The following FILIP1 variants were observed in gnomAD, a reference collection of about 807,000 sequenced individuals.
FILIP1 encodes filamin A interacting protein 1.
Under a neutral mutation model 102.1 loss-of-function variants are expected in FILIP1, and 61 were observed. The observed-to-expected ratio is 0.60, with a 90% CI of 0.49 to 0.74. FILIP1 has a LOEUF of 0.74. FILIP1 is among the 30% of genes least tolerant of loss of function. The pLI is 0.00. For synonymous variants in FILIP1, 491 were observed against 526.9 expected (o/e 0.93, Z 0.93); for missense variants, 1,314 against 1,441.2 (o/e 0.91, Z 1.43).
intron 4 of FILIP1, among the ~76,000 whole-genome samples, chr6:75,325,818 A>T (rs548052404): frequency 5.0e-4 from 76 of 152,358 alleles, no homozygotes; most frequent in African/African-American, 1.7e-3. Flanking sequence ...GGGAATGTAA[A>T]CTAGTACAAC....
In FILIP1 at chr6:75,374,648, G is replaced by A. The variant is rs538626342; in HGVS notation, c.277-11731C>T. 9.3e-4 allele frequency among the ~76,000 whole-genome samples: 141 copies of A among 152,292 alleles called. 1 individual carries two copies. The highest frequency in any genetic ancestry group is 3.4e-3 in the African/African-American group (140 of 41,566). ...ACCCACCTCGGCCTCCCAGAGTGCT[G>A]GAATCACAGGCACGAGTCACTGTGC... On this transcript the variant is annotated intron_variant, in intron 2 of 5. Coordinates refer to ENST00000237172, the MANE Select transcript of FILIP1 (RefSeq NM_015687.5).
At chr6:75,437,419 C>A (rs1778063086) in intron 1 of FILIP1, among the ~76,000 whole-genome samples, 1 of 152,136 alleles carries the variant, frequency 6.6e-6, no homozygotes, top group South Asian at 2.1e-4. Flanking sequence ...AGAAATAAAG[C>A]TTAGTTCATA....
chr6:75,418,572 G>A (rs1208585541), intron 1 of FILIP1, among the ~76,000 whole-genome samples: 1 of 152,142 alleles, frequency 6.6e-6, no homozygotes, highest in Admixed American at 6.5e-5. Context: ...AGGGTAGCAG[G>A]CAGGTAACAG....
At chr6:75,460,765 T>C (rs965935633) in intron 1 of FILIP1, among the ~76,000 whole-genome samples, 25 of 152,168 alleles carry the variant, frequency 1.6e-4, no homozygotes, top group African/African-American at 6.0e-4. Context: ...CAAGACAATA[T>C]GGCCAAAAGA....
intron 2 of FILIP1, among the ~76,000 whole-genome samples, chr6:75,380,975 T>G: frequency 6.6e-6 from 1 of 152,206 alleles, no homozygotes; most frequent in Non-Finnish European, 1.5e-5. Flanking sequence ...CAAACTTGTT[T>G]TTGTCCTCCT....
chr6:75,449,462 C>T (rs1778549907), intron 1 of FILIP1, among the ~76,000 whole-genome samples: 1 of 151,976 alleles, frequency 6.6e-6, no homozygotes, highest in African/African-American at 2.4e-5. Flanking sequence ...ACCTGTTCCC[C>T]AAAAACCTAT....
chr6:75,476,215 T>G (rs62414209), intron 1 of FILIP1, among the ~76,000 whole-genome samples: 2 of 141,490 alleles, frequency 1.4e-5, no homozygotes, highest in Non-Finnish European at 3.0e-5. Context: ...CACTCGAGCC[T>G]GGGCGACAGA....
chr6:75,385,398 A>G (rs1015793746), intron 2 of FILIP1, among the ~76,000 whole-genome samples: 2 of 152,214 alleles, frequency 1.3e-5, no homozygotes, highest in Non-Finnish European at 2.9e-5. Flanking sequence ...CATACATATC[A>G]ATAGCAGCTT....
In FILIP1 at chr6:75,322,576, T is replaced by C. The variant is rs144954197; in HGVS notation, c.630-7374A>G. Among the ~76,000 whole-genome samples the C allele has an allele frequency of 8.5e-5, 13 of 152,374 alleles. No homozygotes were observed. The East Asian group carries it at 1.5e-3, about 18-fold the overall frequency. On this transcript the variant is annotated intron_variant, in intron 4 of 5. Coordinates refer to ENST00000237172, the MANE Select transcript of FILIP1 (RefSeq NM_015687.5). ...GCAAATTTTAAATTTTCTGCAAGCATTTAGTCCTCTTTAGAGAACAAAGAC... is the reference window on the plus strand; with the variant it reads ...GCAAATTTTAAATTTTCTGCAAGCACTTAGTCCTCTTTAGAGAACAAAGAC...
At chr6:75,477,293 TG>T (rs962788743) in intron 1 of FILIP1, among the ~76,000 whole-genome samples, 11 of 152,140 alleles carry the variant, frequency 7.2e-5, no homozygotes, top group Non-Finnish European at 1.5e-4. Flanking sequence ...AGGGAGGGAA[TG>T]GGAGTTGTTG....
chr6:75,354,258 T>A (rs1181422436), intron 3 of FILIP1, among the ~76,000 whole-genome samples: 2 of 152,204 alleles, frequency 1.3e-5, no homozygotes, highest in Admixed American at 1.3e-4. Flanking sequence ...TTGTTCTACA[T>A]CCTTGTCAAC....
At chr6:75,347,292 T>C (rs558760736) in intron 4 of FILIP1, among the ~76,000 whole-genome samples, 1 of 152,224 alleles carries the variant, frequency 6.6e-6, no homozygotes, top group Non-Finnish European at 1.5e-5. Context: ...AATAATTACA[T>C]ATCTTATAGT....
chr6:75,398,637 A>T lies in FILIP1; in HGVS notation c.276+16060T>A, dbSNP rs145918308. Among the ~76,000 whole-genome samples the T allele has an allele frequency of 6.0e-3, 914 of 152,334 alleles. 6 individuals are homozygous for T. Among genetic ancestry groups the T allele is most frequent in the African/African-American group, 0.021 (884 of 41,582 alleles). ...TAAAAAAGAGGTTAAAGGTTGCACT[A>T]GGCACTTGTAAACAATGTCAAGATG... On this transcript the variant is annotated intron_variant, in intron 2 of 5. Coordinates refer to ENST00000237172, the MANE Select transcript of FILIP1 (RefSeq NM_015687.5).
chr6:75,472,372 T>C (rs1206646230), intron 1 of FILIP1, among the ~76,000 whole-genome samples: 1 of 152,106 alleles, frequency 6.6e-6, no homozygotes, highest in Non-Finnish European at 1.5e-5. Flanking sequence ...AATTATAACA[T>C]TTGAATGTTA....
At chr6:75,435,173 T>G (rs1777972513) in intron 1 of FILIP1, among the ~76,000 whole-genome samples, 1 of 152,236 alleles carries the variant, frequency 6.6e-6, no homozygotes, top group African/African-American at 2.4e-5. Flanking sequence ...TCTGCCAGGC[T>G]TTGGTATCAC....
At position 75,308,676 on chromosome 6, in the gene FILIP1, C is replaced by G. The variant is rs753590213; in HGVS notation, c.*15G>C. ...GCAGTAGCATCTGCACAACATACCC[C>G]CTTAGCCACTGCCCTCAGCCCTTCC... On this transcript the variant is annotated 3_prime_UTR_variant, in exon 6 of 6. Transcript: ENST00000237172. The G allele has an allele frequency of 5.6e-6, 9 of 1,612,146 alleles. No individual in the cohort carries two copies. Among genetic ancestry groups the G allele is most frequent in the East Asian group, 4.5e-5 (2 of 44,886 alleles).
intron 2 of FILIP1, among the ~76,000 whole-genome samples, chr6:75,391,473 C>A (rs372733105): frequency 1.6e-4 from 24 of 152,282 alleles, no homozygotes; most frequent in African/African-American, 5.5e-4. Flanking sequence ...TGCTCCCTGA[C>A]TCACCAAGAA....
intron 1 of FILIP1, among the ~76,000 whole-genome samples, chr6:75,469,265 A>G (rs1341528911): frequency 1.3e-5 from 2 of 152,080 alleles, no homozygotes; most frequent in Non-Finnish European, 2.9e-5. Context: ...GGTTTTGTTT[A>G]ATAAATGTAG....
chr6:75,322,629 A>G (rs1008392167), intron 4 of FILIP1, among the ~76,000 whole-genome samples: 5 of 152,192 alleles, frequency 3.3e-5, no homozygotes, highest in African/African-American at 1.2e-4. Flanking sequence ...GGTATTTTAA[A>G]TTGTTATTGC....
Sources: allele counts gnomAD v4.1 joint callset (sites outside exome capture counted in the v4.1 genomes callset), GRCh38; gene constraint gnomAD v4.1.1; transcripts MANE v1.5; gene names NCBI Gene and HGNC (gene_info 2026-07-23, HGNC 2026-07-21).